SMG5: variants seen among roughly 807,000 people sequenced by gnomAD.
The protein encoded by SMG5 is SMG5 nonsense mediated mRNA decay factor.
SMG5 carries 53 observed loss-of-function variants against 122.9 expected under a neutral mutation model. The observed-to-expected ratio is 0.43, with a 90% CI of 0.35 to 0.54. The LOEUF (loss-of-function observed/expected upper bound fraction) is 0.54, where lower values mean the gene tolerates loss of function less well. SMG5 is among the 20% of genes least tolerant of loss of function. The pLI is 0.01. For synonymous variants in SMG5, 477 were observed against 490.2 expected, an observed-to-expected ratio of 0.97 and a Z score of 0.35; for missense variants, 1,153 against 1,285.6, an observed-to-expected ratio of 0.90 and a Z score of 1.58.
intron 6 of SMG5, among the ~76,000 whole-genome samples, chr1:156,272,790 T>G (rs1410154605): frequency 6.6e-6 from 1 of 152,038 alleles, no homozygotes; most frequent in Non-Finnish European, 1.5e-5. Flanking sequence ...GGTCTCAATC[T>G]CCTGACGTCG....
intron 14 of SMG5, 82 bp from the exon 15 acceptor site, chr1:156,260,708 T>G: frequency 7.7e-7 from 1 of 1,292,856 alleles, no homozygotes; most frequent in Non-Finnish European, 1.0e-6. Context: ...CTTTGGGAAT[T>G]ATCAGGCTGA....
the SMG5 span, chr1:156,291,391 C>T: frequency 6.2e-7 from 1 of 1,614,142 alleles, no homozygotes; most frequent in South Asian, 1.1e-5. Flanking sequence ...ATAGGCTGAT[C>T]TACTGGCTGA....
chr1:156,281,583 G>C (rs1468241278), intron 1 of SMG5, among the ~76,000 whole-genome samples: 1 of 152,200 alleles, frequency 6.6e-6, no homozygotes, highest in Non-Finnish European at 1.5e-5. Context: ...CCTACTCAAA[G>C]AGAAAAAGAC....
In SMG5 at chr1:156,249,697, T is replaced by G. The variant is rs928923386; in HGVS notation, c.*890A>C. The G allele has an allele frequency of 6.2e-5, 29 of 466,436 alleles. No homozygotes were observed. The highest frequency in any genetic ancestry group is 5.8e-4 in the African/African-American group (29 of 49,926). The allele number at this position is 466,436 out of a possible 1,614,324, so 28.9% of individuals were successfully genotyped here. ...TGCTGCCCACTGAATGCCGGCCCCT[T>G]GTCTTCAGCCCTCCCTTAGATAGGA... On this transcript the variant is annotated 3_prime_UTR_variant, in exon 22 of 22. Transcript: ENST00000361813.
chr1:156,268,514 C>T lies in SMG5; in HGVS notation c.714-99G>A. The T allele has an allele frequency of 4.1e-6, 6 of 1,463,916 alleles. No homozygotes were observed. In the South Asian group the frequency reaches 7.8e-5, roughly 19 times the overall value. 90.7% of individuals were successfully genotyped at this position (1,463,916 alleles called of 1,614,324 possible). On this transcript the variant is annotated intron_variant, in intron 7 of 21. Transcript: ENST00000361813. The stretch of plus-strand genomic sequence containing the variant: ...CAATGTTACTAGTAAATACAGGCTG[C>T]TCCCAGCCTCAGCTTCCATGTACAT...
chr1:156,285,630 A>G (rs770461595), upstream of SMG5: 3 of 1,614,066 alleles, frequency 1.9e-6, no homozygotes, highest in Admixed American at 1.7e-5. Flanking sequence ...ATTGACCTAC[A>G]GTGCATTGAG....
intron 9 of SMG5, 21 bp downstream of exon 9, chr1:156,268,094 T>C (rs753673721): frequency 6.2e-7 from 1 of 1,613,206 alleles, no homozygotes; most frequent in Admixed American, 1.7e-5. Flanking sequence ...ATAGTTCAGG[T>C]TCATGCTCTC....
chr1:156,264,980 C>A (rs1303720470), intron 12 of SMG5, among the ~76,000 whole-genome samples: 4 of 149,548 alleles, frequency 2.7e-5, no homozygotes, highest in African/African-American at 4.9e-5. Flanking sequence ...GAGCCGAGAT[C>A]GTGCCACTGC....
chr1:156,261,238 C>T (rs1333684973), intron 14 of SMG5, 95 bp downstream of exon 14: 20 of 1,249,534 alleles, frequency 1.6e-5, no homozygotes, highest in Non-Finnish European at 2.3e-5. Flanking sequence ...CATTAACCTC[C>T]TTACCCCAAG....
intron 12 of SMG5, among the ~76,000 whole-genome samples, chr1:156,264,300 C>CT (rs1354933286): frequency 7.5e-6 from 1 of 132,640 alleles, no homozygotes; most frequent in Non-Finnish European, 1.6e-5. Context: ...AAAAGAGTTA[C>CT]TTTTAATTCC....
At chr1:156,282,230 A>G (rs1459091949) in intron 1 of SMG5, among the ~76,000 whole-genome samples, 1 of 152,068 alleles carries the variant, frequency 6.6e-6, no homozygotes, top group East Asian at 1.9e-4. Flanking sequence ...TCTTCCTTGT[A>G]AATCCCCCAG....
intron 16 of SMG5, among the ~76,000 whole-genome samples, chr1:156,254,561 A>G (rs1346446011): frequency 6.6e-6 from 1 of 152,090 alleles, no homozygotes; most frequent in East Asian, 1.9e-4. Context: ...CTCCTGCCTC[A>G]GCCCCCCAAC....
At chr1:156,286,397 G>A, upstream of SMG5, 1 of 1,614,158 alleles carries the variant, frequency 6.2e-7, no homozygotes, top group Non-Finnish European at 8.5e-7. Flanking sequence ...CTTCAACCTG[G>A]CCGTGCTTTC....
At position 156,279,257 on chromosome 1, in the gene SMG5, T is replaced by C. The variant is rs563938817; in HGVS notation, c.75-223A>G. ...CCGCCCACCAGGGGACATTTGGCAA[T>C]GGTAGAAACATTTATTGTCATCACA... On this transcript the variant is annotated intron_variant, in intron 1 of 21. Coordinates refer to ENST00000361813, the MANE Select transcript of SMG5 (RefSeq NM_015327.3). 1.6e-4 allele frequency among the ~76,000 whole-genome samples: 20 copies of C among 125,926 alleles called. 1 individual carries two copies. Among genetic ancestry groups the C allele is most frequent in the Admixed American group, 3.7e-4 (4 of 10,946 alleles). The allele number at this position is 125,926 out of a possible 152,430, so 82.6% of individuals were successfully genotyped here.
chr1:156,286,472 C>T (rs750582223), upstream of SMG5: 25 of 1,614,076 alleles, frequency 1.5e-5, no homozygotes, highest in East Asian at 2.2e-5. Flanking sequence ...TGCCGTCTCC[C>T]GGTAAGTTGG....
At chr1:156,261,235 C>A in intron 14 of SMG5, 98 bp downstream of exon 14, 1 of 1,206,042 alleles carries the variant, frequency 8.3e-7, no homozygotes. Context: ...TCCCATTAAC[C>A]TCCTTACCCC....
intron 1 of SMG5, among the ~76,000 whole-genome samples, chr1:156,281,871 A>G (rs1416920229): frequency 2.6e-5 from 4 of 152,174 alleles, no homozygotes; most frequent in African/African-American, 9.7e-5. Context: ...TGAAGATGTG[A>G]CTTGTGGAGC....
intron 7 of SMG5, among the ~76,000 whole-genome samples, chr1:156,268,866 AATAT>A (rs1305115803): frequency 6.6e-6 from 1 of 152,198 alleles, no homozygotes; most frequent in Non-Finnish European, 1.5e-5. Context: ...AATGTACCCT[AATAT>A]TGTCCACATT....
At chr1:156,277,777 G>T in intron 3 of SMG5, 148 bp downstream of exon 3, 4 of 988,582 alleles carry the variant, frequency 4.0e-6, no homozygotes, top group Non-Finnish European at 6.0e-6. Context: ...CTCCCAAAGT[G>T]CTGGGATTAC....
Sources: gnomAD v4.1 joint callset for allele counts (sites outside exome capture counted in the v4.1 genomes callset) on GRCh38, gnomAD v4.1.1 for gene constraint, MANE v1.5 for transcripts, NCBI Gene and HGNC (gene_info 2026-07-23, HGNC 2026-07-21) for gene names.